Variants in LHX8 observed in about 807,000 individuals in gnomAD.
The protein encoded by LHX8 is LIM/homeobox protein Lhx8.
In LHX8, 12 loss-of-function variants were observed where a neutral mutation model predicts 40.3. The ratio of observed to expected loss-of-function variants is 0.30; its 90% CI spans 0.19 to 0.48. The LOEUF (loss-of-function observed/expected upper bound fraction) is 0.48. Ranked by LOEUF, LHX8 falls within the 20% of genes least tolerant of loss-of-function variation. The pLI is 0.99. For synonymous variants in LHX8, 179 were observed against 162.0 expected, an observed-to-expected ratio of 1.10 and a Z score of -0.80; for missense variants, 344 against 433.7, an observed-to-expected ratio of 0.79 and a Z score of 1.84.
In LHX8 at chr1:75,143,153, A is replaced by G; in HGVS notation, c.395A>G (p.His132Arg). 1 of 1,613,786 alleles carries G rather than the reference A, an allele frequency of 6.2e-7. No individual in the cohort carries two copies. Residue 132 changes from histidine (H) to arginine (R), a missense_variant, in exon 5 of 9, where the codon CAC becomes CGC. Coordinates refer to ENST00000356261, the MANE Select transcript of LHX8 (RefSeq NM_001256114.2). ...ACTCGCTGCTCTCGATGTGGGAGAC[A>G]CATCCATTCTACTGACTGGGTCCGG... The part of the protein sequence containing the change: ...YGTRCSRCGR[H>R]IHSTDWVRRA...
chr1:75,129,488 T>G (rs1282319474), upstream of LHX8, among the ~76,000 whole-genome samples: 1 of 152,172 alleles, frequency 6.6e-6, no homozygotes, highest in Non-Finnish European at 1.5e-5. Context: ...GAGGTGGAAG[T>G]GTTGCTGGGG....
chr1:75,171,894 T>C, the LHX8 span, among the ~76,000 whole-genome samples: 4 of 152,176 alleles, frequency 2.6e-5, no homozygotes, highest in South Asian at 8.3e-4. Context: ...ATGGACAGAA[T>C]AGAGTGGCAC....
At chr1:75,130,565 C>T, upstream of LHX8, 1 of 788,810 alleles carries the variant, frequency 1.3e-6, no homozygotes, top group Non-Finnish European at 2.3e-6. Context: ...AGACGGAGGC[C>T]CTCGCCCGCT....
the LHX8 span, among the ~76,000 whole-genome samples, chr1:75,178,070 A>G: frequency 4.6e-5 from 7 of 152,256 alleles, no homozygotes; most frequent in African/African-American, 1.7e-4. Flanking sequence ...TGCTGGATTC[A>G]GTCTGTCAGT....
At chr1:75,177,485 T>A in the LHX8 span, among the ~76,000 whole-genome samples, 1 of 152,338 alleles carries the variant, frequency 6.6e-6, no homozygotes, top group African/African-American at 2.4e-5. Context: ...TGTCTATTAT[T>A]GATGTATAAG....
At chr1:75,155,809 C>G (rs1375086387) in intron 7 of LHX8, among the ~76,000 whole-genome samples, 2 of 152,018 alleles carry the variant, frequency 1.3e-5, no homozygotes, top group African/African-American at 2.4e-5. Flanking sequence ...AAGACCTGAC[C>G]TTAACATGCT....
At chr1:75,129,272 C>T (rs939466598) in intron 1 of LHX8, among the ~76,000 whole-genome samples, 8 of 151,918 alleles carry the variant, frequency 5.3e-5, no homozygotes, top group Non-Finnish European at 1.2e-4. Context: ...CCCTGAACTC[C>T]CATGAAGGAA....
At chr1:75,129,161 G>T (rs998349799) in intron 1 of LHX8, among the ~76,000 whole-genome samples, 1 of 152,222 alleles carries the variant, frequency 6.6e-6, no homozygotes, top group Non-Finnish European at 1.5e-5. Context: ...AAATGAGAAA[G>T]CTCAAGTGTT....
chr1:75,174,769 A>G, the LHX8 span, among the ~76,000 whole-genome samples: 3 of 152,152 alleles, frequency 2.0e-5, no homozygotes, highest in African/African-American at 2.4e-5. Flanking sequence ...GATAGAATAT[A>G]TCTTCACAAT....
At chr1:75,190,446 T>C in the LHX8 span, among the ~76,000 whole-genome samples, 3 of 152,158 alleles carry the variant, frequency 2.0e-5, no homozygotes, top group Non-Finnish European at 2.9e-5. Flanking sequence ...AATTTGGAAA[T>C]TGATTTGAAG....
At chr1:75,182,466 TG>T in the LHX8 span, among the ~76,000 whole-genome samples, 1 of 148,246 alleles carries the variant, frequency 6.7e-6, no homozygotes, top group South Asian at 2.2e-4. Context: ...CTCCACCTCC[TG>T]GGTTCAAGCA....
chr1:75,129,500 G>A (rs1647908236), upstream of LHX8, among the ~76,000 whole-genome samples: 1 of 152,138 alleles, frequency 6.6e-6, no homozygotes, highest in Non-Finnish European at 1.5e-5. Context: ...TTGCTGGGGA[G>A]AACCTTAGAC....
chr1:75,144,208 C>A (rs924507207), intron 6 of LHX8, among the ~76,000 whole-genome samples: 2 of 152,122 alleles, frequency 1.3e-5, no homozygotes, highest in African/African-American at 4.8e-5. Flanking sequence ...AAAGTGGAAA[C>A]AAAGTATTTT....
the LHX8 span, among the ~76,000 whole-genome samples, chr1:75,197,136 T>G: frequency 3.3e-5 from 5 of 152,240 alleles, no homozygotes; most frequent in Non-Finnish European, 7.3e-5. Context: ...TATGAAATAA[T>G]TTAATTTTAA....
chr1:75,147,301 C>G (rs1302893748), intron 6 of LHX8, among the ~76,000 whole-genome samples: 2 of 152,042 alleles, frequency 1.3e-5, no homozygotes, highest in South Asian at 4.1e-4. Context: ...CAATATTGGC[C>G]TTTTTTTCTA....
At chr1:75,174,528 C>T in the LHX8 span, among the ~76,000 whole-genome samples, 1 of 152,198 alleles carries the variant, frequency 6.6e-6, no homozygotes, top group Non-Finnish European at 1.5e-5. Context: ...TGCATACACA[C>T]ACACACACAC....
At chr1:75,199,232 A>G in the LHX8 span, among the ~76,000 whole-genome samples, 23 of 152,086 alleles carry the variant, frequency 1.5e-4, no homozygotes, top group Non-Finnish European at 2.9e-4. Context: ...CCCACTAGAG[A>G]TTTTTGTGCT....
chr1:75,189,917 G>A, the LHX8 span, among the ~76,000 whole-genome samples: 1 of 152,128 alleles, frequency 6.6e-6, no homozygotes, highest in Non-Finnish European at 1.5e-5. Flanking sequence ...ACTGTTCAAT[G>A]CTATTTACTC....
the LHX8 span, among the ~76,000 whole-genome samples, chr1:75,181,641 C>T: frequency 6.6e-6 from 1 of 152,196 alleles, no homozygotes; most frequent in African/African-American, 2.4e-5. Flanking sequence ...ATCCCCAAAC[C>T]CCTTGTACTT....
Sources: allele counts gnomAD v4.1 joint callset (sites outside exome capture counted in the v4.1 genomes callset), GRCh38; gene constraint gnomAD v4.1.1; transcripts MANE v1.5; gene names NCBI Gene and HGNC (gene_info 2026-07-23, HGNC 2026-07-21).